Variants in ZYX observed in about 807,000 individuals in gnomAD.
ZYX encodes the protein zyxin.
A neutral mutation model predicts 58.1 loss-of-function variants in ZYX; 37 were observed. That is an observed-to-expected ratio of 0.64 (90% confidence interval 0.49 to 0.84). ZYX has a LOEUF of 0.84. ZYX is among the 40% of genes least tolerant of loss of function. The pLI is 0.00. For missense variants in ZYX, 762 were observed against 761.6 expected (o/e 1.00, Z -0.01); for synonymous variants, 324 against 321.1 (o/e 1.01, Z -0.10).
rs1463274485 is a variant in ZYX at position 143,387,729 on chromosome 7, A to G, written c.1024-490A>G. 1.3e-5 allele frequency: 6 copies of G among 471,346 alleles called. No individual in the cohort carries two copies. Among genetic ancestry groups the G allele is most frequent in the South Asian group, 6.2e-5 (4 of 64,570 alleles). 29.2% of individuals were successfully genotyped at this position (471,346 alleles called of 1,614,324 possible). On this transcript the variant is annotated intron_variant, in intron 5 of 9. Transcript: ENST00000322764. This position sits in a 1 kb window ranked among gnomAD's most constrained non-coding sequence, Gnocchi z 5.8. Reference sequence around the variant, plus strand: ...GACAGCTCAGTGGGTTTAACCTGCAATTCCTGCCTGTGTTGTATCCTCACG... The same window carrying G: ...GACAGCTCAGTGGGTTTAACCTGCAGTTCCTGCCTGTGTTGTATCCTCACG...
At chr7:143,386,702 G>A (rs1402445057) in intron 5 of ZYX, among the ~76,000 whole-genome samples, 1 of 152,080 alleles carries the variant, frequency 6.6e-6, no homozygotes, top group African/African-American at 2.4e-5. Context: ...ACAAAGTCCA[G>A]GGGTGGGTTG....
rs1805045650 is a variant in ZYX at position 143,390,844 on chromosome 7, C to G, written c.*162C>G. On this transcript the variant is annotated 3_prime_UTR_variant, in exon 10 of 10. Coordinates refer to ENST00000322764, the MANE Select transcript of ZYX (RefSeq NM_003461.5). This position sits in a 1 kb window ranked among gnomAD's most constrained non-coding sequence, Gnocchi z 4.3. The stretch of plus-strand genomic sequence containing the variant: ...GCCCTGACCCAGGACCCAACATGGT[C>G]TAGGGATGCAGGATCCCCGCCCTGG... 2 of 617,778 alleles carry G rather than the reference C, an allele frequency of 3.2e-6. No homozygotes were observed. The allele number at this position is 617,778 out of a possible 1,614,324, so 38.3% of individuals were successfully genotyped here.
chr7:143,382,279 G>T lies in ZYX; in HGVS notation c.240G>T (p.Gly80=), dbSNP rs1163506251. Residue 80 remains glycine (G), a synonymous_variant, in exon 3 of 10, where the codon GGG becomes GGT. Transcript: ENST00000322764. ...CCCTGCCTCCACCTCCCCTTGCTGG[G>T]GATGGCGACGATGCAGAGGGTGCTC... ...DFPLPPPPLA[G]DGDDAEGALG... is the part of the protein sequence containing the mutation. The T allele has an allele frequency of 1.2e-6, 2 of 1,612,812 alleles. No individual in the cohort carries two copies. The highest frequency in any genetic ancestry group is 4.5e-5 in the East Asian group (2 of 44,812).
rs1324730006 is a variant in ZYX at position 143,390,516 on chromosome 7, G to A, written c.1615-62G>A. 3.2e-6 allele frequency: 4 copies of A among 1,234,552 alleles called. No individual in the cohort carries two copies. Among genetic ancestry groups the A allele is most frequent in the South Asian group, 1.3e-5 (1 of 77,020 alleles). 76.5% of individuals were successfully genotyped at this position (1,234,552 alleles called of 1,614,324 possible). On this transcript the variant is annotated intron_variant, in intron 9 of 9. Transcript: ENST00000322764. This position sits in a 1 kb window ranked among gnomAD's most constrained non-coding sequence, Gnocchi z 4.3. ...TCCAAGATGGAGCTGGATGGGGTGG[G>A]GTAGGGTGGAGCAGAGCAGGGGCCT...
At position 143,388,276 on chromosome 7, in the gene ZYX, C is replaced by A; in HGVS notation, c.1081C>A (p.Gln361Lys). 6.2e-7 allele frequency: 1 copy of A among 1,613,542 alleles called. No homozygotes were observed. Among genetic ancestry groups the A allele is most frequent in the Non-Finnish European group, 8.5e-7 (1 of 1,179,748 alleles). The change falls in exon 6 of 10, where the codon CAG becomes AAG. Residue 361 changes from glutamine (Q) to lysine (K), a missense_variant. Gln to Lys is a moderately conservative substitution (Grantham distance 53). Transcript: ENST00000322764. The surrounding 1 kb of genome is among the most constrained non-coding windows in gnomAD (Gnocchi z 7.5). ...LTLKEVEELE[Q>K]LTQQLMQDME... ...TCTGAAGGAGGTGGAGGAGCTGGAG[C>A]AGCTGACCCAGCAGCTAATGCAGGA...
chr7:143,390,670 A>G lies in ZYX; in HGVS notation c.1707A>G (p.Arg569=). The change falls in exon 10 of 10, where the codon AGA becomes AGG. Residue 569 remains arginine, a synonymous_variant. Coordinates refer to ENST00000322764, the MANE Select transcript of ZYX (RefSeq NM_003461.5). The surrounding 1 kb of genome is among the most constrained non-coding windows in gnomAD (Gnocchi z 4.3). ...HVLCRKCHTA[R]AQT ...TCTGTCGGAAGTGCCACACTGCTAGAGCCCAGACCTGAGTGAGGACAGGCC... is the reference window on the plus strand; with the variant it reads ...TCTGTCGGAAGTGCCACACTGCTAGGGCCCAGACCTGAGTGAGGACAGGCC... 6.3e-7 allele frequency: 1 copy of G among 1,580,216 alleles called. No individual in the cohort carries two copies. Among genetic ancestry groups the G allele is most frequent in the Non-Finnish European group, 8.6e-7 (1 of 1,162,770 alleles).
intron 5 of ZYX, among the ~76,000 whole-genome samples, chr7:143,385,364 G>A (rs1180490490): frequency 6.6e-6 from 1 of 151,444 alleles, no homozygotes; most frequent in African/African-American, 2.4e-5. Flanking sequence ...TGAGTGGCGT[G>A]TGTGTGTGTG....
chr7:143,386,055 G>T (rs1452716285), intron 5 of ZYX, among the ~76,000 whole-genome samples: 2 of 150,998 alleles, frequency 1.3e-5, no homozygotes, highest in East Asian at 3.9e-4. Flanking sequence ...TGGTGTATGT[G>T]TGTGGTCTGG....
Position 143,389,752 on chromosome 7 carries a change from C to G in ZYX, c.1494-105C>G, listed in dbSNP as rs1162256645. ...GGTGAGCTTCCTTCACCTGGAGATG[C>G]AGGGCAGAGAAGTCTGCTTCCTTGC... On this transcript the variant is annotated intron_variant, in intron 8 of 9. Coordinates refer to ENST00000322764, the MANE Select transcript of ZYX (RefSeq NM_003461.5). The surrounding 1 kb of genome is among the most constrained non-coding windows in gnomAD (Gnocchi z 5.6). The G allele has an allele frequency of 2.0e-6, 3 of 1,496,888 alleles. No individual in the cohort carries two copies. Among genetic ancestry groups the G allele is most frequent in the South Asian group, 2.5e-5 (2 of 79,916 alleles). The allele number at this position is 1,496,888 out of a possible 1,614,324, so 92.7% of individuals were successfully genotyped here.
At position 143,389,825 on chromosome 7, in the gene ZYX, C is replaced by A. The variant is rs754323209; in HGVS notation, c.1494-32C>A. 2 of 1,611,638 alleles carry A rather than the reference C, an allele frequency of 1.2e-6. No homozygotes were observed. Among genetic ancestry groups the A allele is most frequent in the Non-Finnish European group, 1.7e-6 (2 of 1,179,418 alleles). ...CGCACACCGGGGATGAAAGCCCTGGCTAACTCGGCTGGCCCTTTCTGCCCC... is the reference window on the plus strand; with the variant it reads ...CGCACACCGGGGATGAAAGCCCTGGATAACTCGGCTGGCCCTTTCTGCCCC... On this transcript the variant is annotated intron_variant, in intron 8 of 9. Coordinates refer to ENST00000322764, the MANE Select transcript of ZYX (RefSeq NM_003461.5). This position sits in a 1 kb window ranked among gnomAD's most constrained non-coding sequence, Gnocchi z 5.6.
Position 143,388,437 on chromosome 7 carries a change from G to A in ZYX, c.1145-52G>A, listed in dbSNP as rs975833871. 12 of 1,604,112 alleles carry A rather than the reference G, an allele frequency of 7.5e-6. No individual in the cohort carries two copies. The Admixed American group carries it at 1.0e-4, about 13-fold the overall frequency. ...CCCTATCTGAGCTGGCTGATCCCTC[G>A]CAGCTCTACATACTTCCTTCTATTT... is the stretch of plus-strand genomic sequence containing the variant. On this transcript the variant is annotated intron_variant, in intron 6 of 9. Transcript: ENST00000322764. The surrounding 1 kb of genome is among the most constrained non-coding windows in gnomAD (Gnocchi z 7.5).
chr7:143,391,016 G>A lies in ZYX; in HGVS notation c.*334G>A, dbSNP rs995661436. 3.0e-5 allele frequency: 10 copies of A among 333,554 alleles called. No individual in the cohort carries two copies. The highest frequency in any genetic ancestry group is 1.5e-4 in the South Asian group (4 of 27,338). 20.7% of individuals were successfully genotyped at this position (333,554 alleles called of 1,614,324 possible). A position where few individuals can be genotyped will look rare whatever the true frequency, so the allele number is the denominator to read the frequency against. On this transcript the variant is annotated 3_prime_UTR_variant, in exon 10 of 10. Coordinates refer to ENST00000322764, the MANE Select transcript of ZYX (RefSeq NM_003461.5). ...CGAGCAGCCTTTGTACTCTGCTTGC[G>A]GAGGGCTGGGAGACCCTCCAGGACA...
In ZYX at chr7:143,387,468, G is replaced by C; in HGVS notation, c.1024-751G>C. On this transcript the variant is annotated intron_variant, in intron 5 of 9. Transcript: ENST00000322764. This position sits in a 1 kb window ranked among gnomAD's most constrained non-coding sequence, Gnocchi z 5.8. ...CTCCCGGCAGTGCTGATGCAGGTCA[G>C]ACAGCCCTTCCCGGAGTTCTCAGGG... Among the ~76,000 whole-genome samples, 1 of 152,198 alleles carries C rather than the reference G, an allele frequency of 6.6e-6. No individual in the cohort carries two copies. The highest frequency in any genetic ancestry group is 1.9e-4 in the East Asian group (1 of 5,194).
Position 143,388,352 on chromosome 7 carries a change from C to G in ZYX, c.1144+13C>G. 6.2e-7 allele frequency: 1 copy of G among 1,613,550 alleles called. No individual in the cohort carries two copies. Among genetic ancestry groups the G allele is most frequent in the Non-Finnish European group, 8.5e-7 (1 of 1,179,670 alleles). ...GTGGCTGTCAACGGTGAGCCCACCC[C>G]ACCGGGACACCCCCACCCTGCCCCC... On this transcript the variant is annotated intron_variant, in intron 6 of 9. Transcript: ENST00000322764. The surrounding 1 kb of genome is among the most constrained non-coding windows in gnomAD (Gnocchi z 7.5).
At position 143,387,124 on chromosome 7, in the gene ZYX, GGATCTTAAGGGAAGATGGCTAA is replaced by G. The variant is rs1804889165; in HGVS notation, c.1024-1081_1024-1060del. 6.6e-6 allele frequency among the ~76,000 whole-genome samples: 1 copy of G among 152,124 alleles called. No individual in the cohort carries two copies. Among genetic ancestry groups the G allele is most frequent in the African/African-American group, 2.4e-5 (1 of 41,398 alleles). On this transcript the variant is annotated intron_variant, in intron 5 of 9. Coordinates refer to ENST00000322764, the MANE Select transcript of ZYX (RefSeq NM_003461.5). This position sits in a 1 kb window ranked among gnomAD's most constrained non-coding sequence, Gnocchi z 5.8. ...GGAACGAGTCAGTTAAGAGATGGTAGGATCTTAAGGGAAGATGGCTAAGATCTTAAGGGAAAATGGCTAAGAT... is the reference window on the plus strand; with the variant it reads ...GGAACGAGTCAGTTAAGAGATGGTAGGATCTTAAGGGAAAATGGCTAAGAT...
At position 143,388,184 on chromosome 7, in the gene ZYX, C is replaced by T; in HGVS notation, c.1024-35C>T. The stretch of plus-strand genomic sequence containing the variant: ...CTGGGAAGGTTCTTGGAGGCAGCAG[C>T]CCTCTAGAGTGTGAGGAAAATGTTG... On this transcript the variant is annotated intron_variant, in intron 5 of 9. Coordinates refer to ENST00000322764, the MANE Select transcript of ZYX (RefSeq NM_003461.5). The surrounding 1 kb of genome is among the most constrained non-coding windows in gnomAD (Gnocchi z 7.5). 2.6e-6 allele frequency: 4 copies of T among 1,563,958 alleles called. No individual in the cohort carries two copies. The South Asian group carries it at 4.7e-5, about 18-fold the overall frequency.
chr7:143,385,655 T>C (rs182263486), intron 5 of ZYX, among the ~76,000 whole-genome samples: 3,833 of 137,304 alleles, frequency 0.028, 73 homozygotes, highest in Non-Finnish European at 0.042. Context: ...TGTGGTGTGG[T>C]ATATCTTTTT....
Position 143,384,198 on chromosome 7 carries a change from C to T in ZYX, c.1023+876C>T, listed in dbSNP as rs1298701976. ...GTGTTGATGTCTACCTACACTCGGA[C>T]ACAGCATAGGAAGAAATGCCAAGGG... is the stretch of plus-strand genomic sequence containing the variant. On this transcript the variant is annotated intron_variant, in intron 5 of 9. Transcript: ENST00000322764. This position sits in a 1 kb window ranked among gnomAD's most constrained non-coding sequence, Gnocchi z 4.9. 2.1e-6 allele frequency: 1 copy of T among 471,644 alleles called. No homozygotes were observed. The highest frequency in any genetic ancestry group is 2.0e-5 in the African/African-American group (1 of 50,062). The allele number at this position is 471,644 out of a possible 1,614,324, so 29.2% of individuals were successfully genotyped here. A position where few individuals can be genotyped will look rare whatever the true frequency, so the allele number is the denominator to read the frequency against.
In ZYX at chr7:143,381,362, G is replaced by T; in HGVS notation, c.-63G>T. 4 of 1,157,570 alleles carry T rather than the reference G, an allele frequency of 3.5e-6. No individual in the cohort carries two copies. The highest frequency in any genetic ancestry group is 4.3e-6 in the Non-Finnish European group (4 of 938,244). 71.7% of individuals were successfully genotyped at this position (1,157,570 alleles called of 1,614,324 possible). The stretch of plus-strand genomic sequence containing the variant: ...ACCGGGACGCAGAGTCTGCGGACCC[G>T]GCGCCGAGGCGGCCACCCGAGACGC... On this transcript the variant is annotated 5_prime_UTR_variant, in exon 1 of 10. Transcript: ENST00000322764.
Sources: allele counts gnomAD v4.1 joint callset (sites outside exome capture counted in the v4.1 genomes callset), GRCh38; gene constraint gnomAD v4.1.1; non-coding constraint Gnocchi (gnomAD v3.1); transcripts MANE v1.5; gene names NCBI Gene and HGNC (gene_info 2026-07-23, HGNC 2026-07-21).